Variants in SNX16 observed in about 807,000 individuals in gnomAD.
SNX16 encodes the protein sorting nexin-16.
SNX16 carries 35 observed loss-of-function variants against 36.7 expected under a neutral mutation model. The ratio of observed to expected loss-of-function variants is 0.95; its 90% CI spans 0.73 to 1.27. SNX16 has a LOEUF of 1.27. SNX16 is among the 50% of genes most tolerant of loss of function. SNX16 has a pLI of 0.00. For synonymous variants in SNX16, 134 were observed against 132.0 expected (o/e 1.02, Z -0.10); for missense variants, 367 against 393.6 (o/e 0.93, Z 0.57).
rs541740012 is a variant in SNX16, at chr8:81,801,380, T to C, written c.*117A>G. ...AACTTCTTTATGTAAACTTTATACA[T>C]GTGCATTCTTGCTCTTTTCTATATG... On this transcript the variant is annotated 3_prime_UTR_variant, in exon 8 of 8. Coordinates refer to ENST00000345957, the MANE Select transcript of SNX16 (RefSeq NM_152836.3). The C allele has an allele frequency of 1.1e-4, 55 of 522,030 alleles. No homozygotes were observed. The East Asian group carries it at 1.2e-3, about 11-fold the overall frequency. 32.3% of individuals were successfully genotyped at this position (522,030 alleles called of 1,614,324 possible). A position where few individuals can be genotyped will look rare whatever the true frequency, so the allele number is the denominator to read the frequency against.
At chr8:81,835,236 A>G (rs1220301064) in intron 2 of SNX16, among the ~76,000 whole-genome samples, 4 of 152,192 alleles carry the variant, frequency 2.6e-5, no homozygotes, top group Non-Finnish European at 5.9e-5. Context: ...CCAAGCCTCT[A>G]GGCTGCACAT....
intron 5 of SNX16, among the ~76,000 whole-genome samples, chr8:81,811,691 T>C (rs1330367869): frequency 1.3e-5 from 2 of 152,058 alleles, no homozygotes; most frequent in African/African-American, 4.8e-5. Context: ...ATAACCACTA[T>C]AGGAGACAGA....
rs145940600 is a variant in SNX16 at position 81,833,593 on chromosome 8, C to T, written c.376-4077G>A. 2.9e-3 allele frequency among the ~76,000 whole-genome samples: 448 copies of T among 152,170 alleles called. 2 individuals are homozygous for T. The highest frequency in any genetic ancestry group is 0.01 in the African/African-American group (433 of 41,508). ...AACTTTTGAGTATGAATGACTGATA[C>T]AGGATAAAAGTGCACTTCATATAAT... On this transcript the variant is annotated intron_variant, in intron 2 of 7. Transcript: ENST00000345957.
chr8:81,830,579 TAAAAAAA>T lies in SNX16; in HGVS notation c.376-1070_376-1064del, dbSNP rs752827905. 4.4e-5 allele frequency among the ~76,000 whole-genome samples: 4 copies of T among 90,222 alleles called. No individual in the cohort carries two copies. In the South Asian group the frequency reaches 1.4e-3, roughly 32 times the overall value. The allele number at this position is 90,222 out of a possible 152,430, so 59.2% of individuals were successfully genotyped here. On this transcript the variant is annotated intron_variant, in intron 2 of 7. Transcript: ENST00000345957. Reference sequence around the variant, plus strand: ...ACAGAGCAAGACTCCGTCTAGGGGGTAAAAAAAAAAAAAAAAAAAAAAGAGAAATCAC... The same window carrying T: ...ACAGAGCAAGACTCCGTCTAGGGGGTAAAAAAAAAAAAAAAGAGAAATCAC...
chr8:81,839,970 A>G lies in SNX16; in HGVS notation c.17T>C (p.Val6Ala), dbSNP rs1473276643. The part of the protein sequence containing the change: MATPY[V>A]PVPMPIGNSA... The stretch of plus-strand genomic sequence containing the variant: ...GTTTCCTATGGGCATAGGAACTGGG[A>G]CATAAGGAGTTGCCATCTTCTTTTG... Residue 6 changes from valine (V) to alanine (A), a missense_variant, in exon 2 of 8, where the codon GTC becomes GCC. Transcript: ENST00000345957. 5 of 1,606,460 alleles carry G rather than the reference A, an allele frequency of 3.1e-6. No individual in the cohort carries two copies. The highest frequency in any genetic ancestry group is 4.2e-6 in the Non-Finnish European group (5 of 1,176,654).
intron 2 of SNX16, among the ~76,000 whole-genome samples, chr8:81,834,071 G>A (rs1586019606): frequency 6.6e-6 from 1 of 152,114 alleles, no homozygotes; most frequent in African/African-American, 2.4e-5. Flanking sequence ...CCTGAGACTG[G>A]GCAATTTACA....
intron 4 of SNX16, among the ~76,000 whole-genome samples, chr8:81,820,757 A>G (rs1359297042): frequency 6.6e-6 from 1 of 151,966 alleles, no homozygotes; most frequent in East Asian, 1.9e-4. Context: ...TATCATACCA[A>G]GTAGCAATTC....
At chr8:81,839,533 T>C in intron 2 of SNX16, 79 bp downstream of exon 2, 1 of 1,321,708 alleles carries the variant, frequency 7.6e-7, no homozygotes, top group South Asian at 1.6e-5. Flanking sequence ...CAAGTTTACA[T>C]TAATTTAACA....
At chr8:81,835,461 A>G (rs192956688) in intron 2 of SNX16, among the ~76,000 whole-genome samples, 1 of 152,234 alleles carries the variant, frequency 6.6e-6, no homozygotes, top group Non-Finnish European at 1.5e-5. Flanking sequence ...TTTCTATTGC[A>G]CTGTCAGGCT....
intron 1 of SNX16, among the ~76,000 whole-genome samples, chr8:81,841,356 A>G (rs1811762604): frequency 6.6e-6 from 1 of 151,838 alleles, no homozygotes; most frequent in South Asian, 2.1e-4. Context: ...AAAAAAAAAA[A>G]AAAGATTTTT....
intron 5 of SNX16, among the ~76,000 whole-genome samples, chr8:81,812,592 G>C (rs965092197): frequency 1.3e-5 from 2 of 151,952 alleles, no homozygotes; most frequent in Admixed American, 6.6e-5. Flanking sequence ...GCTAAACAAA[G>C]ACTGTGAGAA....
intron 1 of SNX16, 64 bp from the exon 2 acceptor site, chr8:81,840,146 G>T (rs2130780836): frequency 3.9e-6 from 3 of 772,760 alleles, no homozygotes; most frequent in South Asian, 5.1e-5. Context: ...CAAAAGAAAA[G>T]TATTCTTTTC....
intron 5 of SNX16, among the ~76,000 whole-genome samples, chr8:81,806,425 T>C (rs947735988): frequency 1.3e-5 from 2 of 152,112 alleles, no homozygotes; most frequent in African/African-American, 4.8e-5. Context: ...TGATCATCTA[T>C]ACAGATGCAA....
intron 4 of SNX16, among the ~76,000 whole-genome samples, chr8:81,822,982 A>C (rs1300867560): frequency 1.0e-4 from 14 of 138,880 alleles, no homozygotes; most frequent in African/African-American, 3.7e-4. Flanking sequence ...ATATACACAT[A>C]TGTGTGTGTA....
rs1018394311 is a variant in SNX16, at chr8:81,840,034, G to A, written c.-48C>T. 7 of 1,522,822 alleles carry A rather than the reference G, an allele frequency of 4.6e-6. No individual in the cohort carries two copies. Among genetic ancestry groups the A allele is most frequent in the Non-Finnish European group, 4.4e-6 (5 of 1,140,974 alleles). 94.3% of individuals were successfully genotyped at this position (1,522,822 alleles called of 1,614,324 possible). A position where few individuals can be genotyped will look rare whatever the true frequency, so the allele number is the denominator to read the frequency against. ...GCTTGCACACTGTTGAGTCCACTTA[G>A]AGAACAACTAATATGCAATCCATTA... On this transcript the variant is annotated 5_prime_UTR_variant, in exon 2 of 8. Coordinates refer to ENST00000345957, the MANE Select transcript of SNX16 (RefSeq NM_152836.3).
At chr8:81,823,012 C>T (rs188249452) in intron 4 of SNX16, among the ~76,000 whole-genome samples, 102 of 144,746 alleles carry the variant, frequency 7.0e-4, no homozygotes, top group Non-Finnish European at 9.9e-4. Context: ...ATATATATCG[C>T]ACGTGTGTCA....
intron 2 of SNX16, among the ~76,000 whole-genome samples, chr8:81,831,590 C>T (rs1563452560): frequency 1.3e-5 from 2 of 149,566 alleles, no homozygotes; most frequent in Non-Finnish European, 3.0e-5. Context: ...CCCAGCTACT[C>T]GGGAGGCTGA....
In SNX16 at chr8:81,842,134, G is replaced by A. The variant is rs1480514557; in HGVS notation, c.-109C>T. The A allele has an allele frequency of 6.6e-6, 1 of 150,838 alleles. No homozygotes were observed. The highest frequency in any genetic ancestry group is 1.5e-5 in the Non-Finnish European group (1 of 67,852). 9.3% of individuals were successfully genotyped at this position (150,838 alleles called of 1,614,324 possible). On this transcript the variant is annotated 5_prime_UTR_variant, in exon 1 of 8. Transcript: ENST00000345957. ...ACCCAGTCTTTACCTCAGCCCCCTCGGCGATCCCGAACGAGCGCGCTTCCC... is the reference window on the plus strand; with the variant it reads ...ACCCAGTCTTTACCTCAGCCCCCTCAGCGATCCCGAACGAGCGCGCTTCCC...
At chr8:81,815,200 G>A (rs908578257) in intron 5 of SNX16, 125 bp downstream of exon 5, 2 of 641,954 alleles carry the variant, frequency 3.1e-6, no homozygotes, top group South Asian at 7.3e-5. Context: ...AAAGCTTTCT[G>A]TGCAAAACTA....
Sources: gnomAD v4.1 joint callset for allele counts (sites outside exome capture counted in the v4.1 genomes callset) on GRCh38, gnomAD v4.1.1 for gene constraint, MANE v1.5 for transcripts, NCBI Gene and HGNC (gene_info 2026-07-23, HGNC 2026-07-21) for gene names.